MLYCD: variants seen among roughly 807,000 people sequenced by gnomAD.
The protein encoded by MLYCD is malonyl-CoA decarboxylase.
A neutral mutation model predicts 35.8 loss-of-function variants in MLYCD; 27 were observed. That is an observed-to-expected ratio of 0.75 (90% confidence interval 0.56 to 1.04). The LOEUF is 1.04. MLYCD is among the 50% of genes least tolerant of loss of function. The pLI is 0.00. For missense variants in MLYCD, 917 were observed against 665.1 expected (o/e 1.38, Z -4.17); for synonymous variants, 403 against 302.4 (o/e 1.33, Z -3.45).
At position 83,916,831 on chromosome 16, in the gene MLYCD, GTC is replaced by G. The variant is rs1204180943; in HGVS notation, c.*1346_*1347del. 4 of 116,928 alleles carry G rather than the reference GTC, an allele frequency of 3.4e-5. No individual in the cohort carries two copies. The highest frequency in any genetic ancestry group is 1.0e-4 in the Admixed American group (1 of 10,004). 7.2% of individuals were successfully genotyped at this position (116,928 alleles called of 1,614,324 possible). A position where few individuals can be genotyped will look rare whatever the true frequency, so the allele number is the denominator to read the frequency against. On this transcript the variant is annotated 3_prime_UTR_variant, in exon 5 of 5. Transcript: ENST00000262430. ...CACGCCTGTGTGCGTGTGCACGAGC[GTC>G]TCTGTGTGTCAGTGCACGTCTGTGT...
chr16:83,913,790 GGA>G (rs1213709176), intron 4 of MLYCD: 1 of 146,032 alleles, frequency 6.8e-6, no homozygotes, highest in Non-Finnish European at 1.5e-5. Context: ...CTCCAGCCTG[GGA>G]GAGACAGTCT....
intron 1 of MLYCD, among the ~76,000 whole-genome samples, chr16:83,900,331 C>T (rs966407907): frequency 2.0e-5 from 3 of 152,166 alleles, no homozygotes; most frequent in Non-Finnish European, 4.4e-5. Flanking sequence ...CAGACACATA[C>T]TTTGAGATTT....
rs552466097 is a variant in MLYCD at position 83,902,597 on chromosome 16, C to T, written c.528+2925C>T. Among the ~76,000 whole-genome samples the T allele has an allele frequency of 5.3e-5, 8 of 151,496 alleles. No individual in the cohort carries two copies. The South Asian group carries it at 1.7e-3, about 32-fold the overall frequency. ...CTCTGCTCATTGCAACCTTCGCCTC[C>T]CAGGTTCAAGCCATTCTCCCACCTC... is the stretch of plus-strand genomic sequence containing the variant. On this transcript the variant is annotated intron_variant, in intron 1 of 4. Coordinates refer to ENST00000262430, the MANE Select transcript of MLYCD (RefSeq NM_012213.3).
chr16:83,906,910 C>T lies in MLYCD; in HGVS notation c.529-77C>T. 5 of 1,239,108 alleles carry T rather than the reference C, an allele frequency of 4.0e-6. No individual in the cohort carries two copies. The Admixed American group carries it at 8.4e-5, about 21-fold the overall frequency. The allele number at this position is 1,239,108 out of a possible 1,614,324, so 76.8% of individuals were successfully genotyped here. ...GTATCGTGCTTGAGTGTTTTCATTC[C>T]TTGTGCTGACCACAACACAGAGATG... On this transcript the variant is annotated intron_variant, in intron 1 of 4. Transcript: ENST00000262430.
Position 83,907,051 on chromosome 16 carries a change from A to T in MLYCD, c.593A>T (p.Glu198Val), listed in dbSNP as rs1907004182. ...EWFSSGFLNL[E>V]RVTWHSPCEV... The stretch of plus-strand genomic sequence containing the variant: ...TTTTCCTCCGGGTTCCTGAACCTAG[A>T]ACGGGTTACCTGGCATTCACCGTGT... Residue 198 changes from glutamate (E) to valine (V), a missense_variant, in exon 2 of 5, where the codon GAA becomes GTA. Transcript: ENST00000262430. The T allele has an allele frequency of 2.5e-6, 4 of 1,614,120 alleles. No homozygotes were observed. The highest frequency in any genetic ancestry group is 1.3e-5 in the African/African-American group (1 of 74,940).
At position 83,899,501 on chromosome 16, in the gene MLYCD, G is replaced by A. The variant is rs1942226106; in HGVS notation, c.357G>A (p.Ala119=). 5 of 1,572,076 alleles carry A rather than the reference G, an allele frequency of 3.2e-6. No individual in the cohort carries two copies. In the South Asian group the frequency reaches 3.4e-5, roughly 11 times the overall value. Residue 119 remains alanine, a synonymous_variant, in exon 1 of 5, where the codon GCG becomes GCA. Coordinates refer to ENST00000262430, the MANE Select transcript of MLYCD (RefSeq NM_012213.3). ...VLHLRQQQRE[A]AVLLQAEDRL... ...ATCTGCGCCAGCAGCAGCGGGAGGCGGCGGTGCTGCTGCAGGCCGAGGACC... is the reference window on the plus strand; with the variant it reads ...ATCTGCGCCAGCAGCAGCGGGAGGCAGCGGTGCTGCTGCAGGCCGAGGACC...
rs1906751685 is a variant in MLYCD, at chr16:83,900,611, A to T, written c.528+939A>T. Among the ~76,000 whole-genome samples the T allele has an allele frequency of 2.3e-5, 3 of 128,590 alleles. No homozygotes were observed. In the Admixed American group the frequency reaches 2.5e-4, roughly 11 times the overall value. The allele number at this position is 128,590 out of a possible 152,430, so 84.4% of individuals were successfully genotyped here. ...TTTTTTTTTTTTTTTTTTTTTGTAG[A>T]GAGGGCGTTTCACCATGTGGCCCAG... On this transcript the variant is annotated intron_variant, in intron 1 of 4. Coordinates refer to ENST00000262430, the MANE Select transcript of MLYCD (RefSeq NM_012213.3).
rs201103147 is a variant in MLYCD at position 83,912,248 on chromosome 16, A to G, written c.829A>G (p.Thr277Ala). 12 of 1,614,162 alleles carry G rather than the reference A, an allele frequency of 7.4e-6. No individual in the cohort carries two copies. In the East Asian group the frequency reaches 2.2e-4, roughly 30 times the overall value. ...AIVKEHPPSE[T>A]EEKNKITAAI... ...CGTGAAGGAACATCCTCCATCAGAA[A>G]CAGAAGAGAAGAACAAAATCACTGC... Residue 277 changes from threonine to alanine, a missense_variant, in exon 4 of 5, where the codon ACA becomes GCA. Physicochemically the swap from Thr to Ala is moderately conservative, Grantham distance 58. Transcript: ENST00000262430.
rs1370493339 is a variant in MLYCD, at chr16:83,912,262, C to G, written c.843C>G (p.Asn281Lys). 3.2e-5 allele frequency: 51 copies of G among 1,614,072 alleles called. No homozygotes were observed. The highest frequency in any genetic ancestry group is 4.2e-5 in the Non-Finnish European group (49 of 1,180,038). ...EHPPSETEEK[N>K]KITAAIFYSI... ...CTCCATCAGAAACAGAAGAGAAGAA[C>G]AAAATCACTGCTGCGATCTTTTATT... is the stretch of plus-strand genomic sequence containing the variant. The change falls in exon 4 of 5, where the codon AAC becomes AAG. Residue 281 changes from asparagine to lysine, a missense_variant. Transcript: ENST00000262430.
At chr16:83,911,741 G>A (rs1907186892) in intron 3 of MLYCD, 1 of 204,954 alleles carries the variant, frequency 4.9e-6, no homozygotes, top group Admixed American at 5.3e-5. Context: ...ACTGCTTATA[G>A]CCTCTTGAGA....
At chr16:83,900,934 T>G (rs1340398304) in intron 1 of MLYCD, among the ~76,000 whole-genome samples, 1 of 152,230 alleles carries the variant, frequency 6.6e-6, no homozygotes, top group Non-Finnish European at 1.5e-5. Context: ...CAGGGTTATT[T>G]GCACTACGCT....
chr16:83,904,366 T>A (rs1906904352), intron 1 of MLYCD, among the ~76,000 whole-genome samples: 3 of 152,052 alleles, frequency 2.0e-5, no homozygotes, highest in African/African-American at 7.2e-5. Context: ...TTTGCAGTGT[T>A]TTGGGGGCAG....
intron 1 of MLYCD, among the ~76,000 whole-genome samples, chr16:83,904,566 TATCA>T (rs1906910286): frequency 6.6e-6 from 1 of 152,256 alleles, no homozygotes; most frequent in Non-Finnish European, 1.5e-5. Flanking sequence ...TTTCATTTGA[TATCA>T]ATCTATTAGT....
chr16:83,901,750 G>T (rs531430875), intron 1 of MLYCD, among the ~76,000 whole-genome samples: 1 of 152,298 alleles, frequency 6.6e-6, no homozygotes, highest in African/African-American at 2.4e-5. Context: ...AGAGAAAGGA[G>T]CTGGCCCCTG....
chr16:83,899,406 C>A lies in MLYCD; in HGVS notation c.262C>A (p.Leu88Met), dbSNP rs1352337418. 6 of 1,518,152 alleles carry A rather than the reference C, an allele frequency of 4.0e-6. No homozygotes were observed. The African/African-American group carries it at 8.6e-5, about 22-fold the overall frequency. The allele number at this position is 1,518,152 out of a possible 1,614,324, so 94.0% of individuals were successfully genotyped here. The part of the protein sequence containing the change: ...LAETAQRAEL[L>M]GRLARGFGVD... ...CGAGACGGCCCAGCGGGCCGAACTG[C>A]TGGGCCGCCTGGCGCGGGGCTTCGG... Residue 88 changes from leucine to methionine, a missense_variant, in exon 1 of 5, where the codon CTG becomes ATG. Transcript: ENST00000262430.
In MLYCD at chr16:83,924,430, G is replaced by A. The variant is rs1393969183; in HGVS notation, c.*8941G>A. 3 of 152,252 alleles carry A rather than the reference G, an allele frequency of 2.0e-5. No homozygotes were observed. The highest frequency in any genetic ancestry group is 2.0e-4 in the Admixed American group (3 of 15,280). The allele number at this position is 152,252 out of a possible 1,614,324, so 9.4% of individuals were successfully genotyped here. On this transcript the variant is annotated 3_prime_UTR_variant, in exon 5 of 5. Transcript: ENST00000262430. ...CGTATCCCACCCAGCAGGAGCGCTT[G>A]CTTCTGAAGCTCCCGTGCGTCTGTG...
chr16:83,905,170 C>G (rs1380750576), intron 1 of MLYCD, among the ~76,000 whole-genome samples: 1 of 151,948 alleles, frequency 6.6e-6, no homozygotes, highest in Non-Finnish European at 1.5e-5. Context: ...TTGCAGTGAG[C>G]CAGGGTTGCA....
intron 4 of MLYCD, chr16:83,912,640 G>T: frequency 2.1e-6 from 1 of 471,924 alleles, no homozygotes. Context: ...ACTCTCTCTA[G>T]GGTGACCTCG....
At position 83,924,729 on chromosome 16, in the gene MLYCD, C is replaced by G. The variant is rs1307491672; in HGVS notation, c.*9240C>G. 1.3e-5 allele frequency: 2 copies of G among 152,190 alleles called. No individual in the cohort carries two copies. The highest frequency in any genetic ancestry group is 4.8e-5 in the African/African-American group (2 of 41,438). 9.4% of individuals were successfully genotyped at this position (152,190 alleles called of 1,614,324 possible). A position where few individuals can be genotyped will look rare whatever the true frequency, so the allele number is the denominator to read the frequency against. ...AGAGAGAACTGGCCATTTGCAGTCT[C>G]CACCCCAGTGTGGCTCACGATGCCA... is the stretch of plus-strand genomic sequence containing the variant. On this transcript the variant is annotated 3_prime_UTR_variant, in exon 5 of 5. Transcript: ENST00000262430.
Sources: allele counts gnomAD v4.1 joint callset (sites outside exome capture counted in the v4.1 genomes callset), GRCh38; gene constraint gnomAD v4.1.1; transcripts MANE v1.5; gene names NCBI Gene and HGNC (gene_info 2026-07-23, HGNC 2026-07-21).